The following PVT1 variants were observed in gnomAD, a reference collection of about 807,000 sequenced individuals.
The protein encoded by PVT1 is Pvt1 oncogene, also known as CXCR4/PVT1 fusion.
intron 4 of PVT1, among the ~76,000 whole-genome samples, chr8:128,021,059 T>C (rs1429670693): frequency 6.6e-6 from 1 of 152,156 alleles, no homozygotes; most frequent in Non-Finnish European, 1.5e-5. Flanking sequence ...TTTTGGTAGC[T>C]TCCTTAGGGG....
intron 2 of PVT1, among the ~76,000 whole-genome samples, chr8:127,804,835 G>A (rs753701934): frequency 2.0e-5 from 3 of 147,678 alleles, no homozygotes; most frequent in Middle Eastern, 4.1e-3. Flanking sequence ...GGATTACAGC[G>A]TGAGCCACCA....
intron 3 of PVT1, among the ~76,000 whole-genome samples, chr8:127,980,553 G>A (rs951018949): frequency 2.6e-5 from 4 of 151,958 alleles, no homozygotes; most frequent in Admixed American, 1.3e-4. Context: ...CTCAGGGAGG[G>A]GGCTCTCTGT....
intron 4 of PVT1, among the ~76,000 whole-genome samples, chr8:128,013,666 C>T (rs1563665874): frequency 2.0e-5 from 3 of 152,142 alleles, no homozygotes; most frequent in South Asian, 4.1e-4. Flanking sequence ...GGTCCTTATT[C>T]GTACCTTGCT....
At chr8:128,035,891 C>T (rs1813456071) in intron 4 of PVT1, among the ~76,000 whole-genome samples, 1 of 152,214 alleles carries the variant, frequency 6.6e-6, no homozygotes, top group South Asian at 2.1e-4. Context: ...TCCTTTGGAG[C>T]TCCAGAAGGA....
At chr8:128,016,657 A>G (rs1817377565) in intron 4 of PVT1, among the ~76,000 whole-genome samples, 1 of 152,240 alleles carries the variant, frequency 6.6e-6, no homozygotes, top group African/African-American at 2.4e-5. Context: ...ATTCTCCTAC[A>G]GGCTCACCAC....
At chr8:128,009,620 G>A (rs75889047) in intron 4 of PVT1, 3,278 of 152,290 alleles carry the variant, frequency 0.022, 76 homozygotes, top group South Asian at 0.072. Flanking sequence ...ACACATTGAA[G>A]GATCTGTTAA....
At chr8:128,084,672 T>C (rs916562534) in intron 5 of PVT1, among the ~76,000 whole-genome samples, 3 of 152,206 alleles carry the variant, frequency 2.0e-5, no homozygotes, top group Non-Finnish European at 4.4e-5. Flanking sequence ...AGGTTAGAAA[T>C]AAGGTATAGC....
Position 128,041,596 on chromosome 8 carries a change from G to A in PVT1, n.913-28564G>A, listed in dbSNP as rs144116932. ...TGTGTGTTTGTGTGTGTTTGCGTGT[G>A]TGTACATGTGTTTGGTGTGTGTGTG... On this transcript the variant is annotated intron_variant and non_coding_transcript_variant, in intron 4 of 10. Coordinates refer to ENST00000651587, the Ensembl canonical transcript of PVT1. Among the ~76,000 whole-genome samples the A allele has an allele frequency of 3.9e-3, 516 of 131,300 alleles. 2 individuals are homozygous for A. The highest frequency in any genetic ancestry group is 0.014 in the African/African-American group (497 of 36,150). The allele number at this position is 131,300 out of a possible 152,430, so 86.1% of individuals were successfully genotyped here.
intron 2 of PVT1, among the ~76,000 whole-genome samples, chr8:127,852,842 C>T (rs1424703709): frequency 2.0e-5 from 3 of 152,232 alleles, no homozygotes; most frequent in South Asian, 2.1e-4. Context: ...CTGGCTTAGA[C>T]AGTGGGGCCC....
intron 2 of PVT1, among the ~76,000 whole-genome samples, chr8:127,798,723 A>G (rs1814427281): frequency 7.0e-6 from 1 of 142,256 alleles, no homozygotes; most frequent in African/African-American, 2.5e-5. Context: ...AAAAAAAAAA[A>G]AAATTAGCCC....
At chr8:127,958,300 C>T (rs568968942) in intron 3 of PVT1, among the ~76,000 whole-genome samples, 16 of 151,626 alleles carry the variant, frequency 1.1e-4, no homozygotes, top group Middle Eastern at 3.4e-3. Flanking sequence ...AGTGCAGTGG[C>T]GCGATATCCA....
Position 127,895,771 on chromosome 8 carries a change from A to G in PVT1, n.782+4773A>G, listed in dbSNP as rs149542637. 1.6e-4 allele frequency among the ~76,000 whole-genome samples: 24 copies of G among 152,326 alleles called. 1 individual carries two copies. The highest frequency in any genetic ancestry group is 5.3e-4 in the African/African-American group (22 of 41,580). The stretch of plus-strand genomic sequence containing the variant: ...GTAGGTTATATTTGTATCTAAAGTA[A>G]AGATTGGCAAACTTTTTATATCAAG... On this transcript the variant is annotated intron_variant and non_coding_transcript_variant, in intron 3 of 10. Coordinates refer to ENST00000651587, the Ensembl canonical transcript of PVT1.
At chr8:127,844,268 C>T (rs1815006342) in intron 2 of PVT1, among the ~76,000 whole-genome samples, 1 of 152,052 alleles carries the variant, frequency 6.6e-6, no homozygotes. Context: ...GAATGTAGTG[C>T]CCTCTCGTGA....
chr8:127,910,116 G>A (rs936326978), intron 3 of PVT1, among the ~76,000 whole-genome samples: 5 of 152,128 alleles, frequency 3.3e-5, no homozygotes, highest in African/African-American at 7.2e-5. Flanking sequence ...CCTGCTATGA[G>A]GTCAGCTCTG....
At chr8:127,963,956 A>G (rs1816675401) in intron 3 of PVT1, among the ~76,000 whole-genome samples, 1 of 152,252 alleles carries the variant, frequency 6.6e-6, no homozygotes, top group African/African-American at 2.4e-5. Flanking sequence ...TTATTCGTCC[A>G]GTAACGTTTG....
intron 4 of PVT1, among the ~76,000 whole-genome samples, chr8:128,020,916 T>A (rs1817425502): frequency 1.3e-5 from 2 of 152,220 alleles, no homozygotes; most frequent in Admixed American, 1.3e-4. Flanking sequence ...CAGCTTGCCC[T>A]GCTGCTCCTG....
chr8:128,030,337 T>A (rs1396693237), intron 4 of PVT1, among the ~76,000 whole-genome samples: 1 of 152,242 alleles, frequency 6.6e-6, no homozygotes, highest in Non-Finnish European at 1.5e-5. Flanking sequence ...ATTAAATTCT[T>A]GCATATACAT....
chr8:128,044,241 T>C (rs761481858), intron 4 of PVT1, among the ~76,000 whole-genome samples: 1 of 151,384 alleles, frequency 6.6e-6, no homozygotes, highest in East Asian at 1.9e-4. Context: ...TCTATCTTAA[T>C]TGATCACCAT....
intron 3 of PVT1, among the ~76,000 whole-genome samples, chr8:127,982,670 A>T (rs1252626527): frequency 6.8e-6 from 1 of 146,078 alleles, no homozygotes; most frequent in Non-Finnish European, 1.5e-5. Flanking sequence ...TAATTAATTA[A>T]TTAATTAATA....
Sources: gnomAD v4.1 joint callset for allele counts (sites outside exome capture counted in the v4.1 genomes callset) on GRCh38, gnomAD v4.1.1 for gene constraint, MANE v1.5 for transcripts, NCBI Gene and HGNC (gene_info 2026-07-23, HGNC 2026-07-21) for gene names.